The following TMEM170A variants were observed in gnomAD, a reference collection of about 807,000 sequenced individuals.
TMEM170A encodes transmembrane protein 170A.
TMEM170A carries 18 observed loss-of-function variants against 12.8 expected under a neutral mutation model. The observed-to-expected ratio is 1.41, with a 90% CI of 0.97 to 2.09. The LOEUF (loss-of-function observed/expected upper bound fraction) is 2.09, where lower values mean the gene tolerates loss of function less well. TMEM170A is among the 30% of genes most tolerant of loss of function. TMEM170A has a pLI of 0.00. For missense variants in TMEM170A, 220 were observed against 179.9 expected (o/e 1.22, Z -1.28); for synonymous variants, 107 against 76.2 (o/e 1.40, Z -2.11).
intron 1 of TMEM170A, among the ~76,000 whole-genome samples, chr16:75,461,397 G>T (rs927524985): frequency 2.6e-5 from 4 of 152,096 alleles, no homozygotes; most frequent in African/African-American, 9.7e-5. Context: ...GTAGGTAAAT[G>T]GCTAAACTGC....
In TMEM170A at chr16:75,446,957, T is replaced by C. The variant is rs1448123006; in HGVS notation, c.*601A>G. On this transcript the variant is annotated 3_prime_UTR_variant, in exon 3 of 3. Transcript: ENST00000561878. ...TGTCCAGAAAATGTCACATTATTCA[T>C]TGTTATCTACTTTTTATTTATAAAC... is the stretch of plus-strand genomic sequence containing the variant. 6 of 152,244 alleles carry C rather than the reference T, an allele frequency of 3.9e-5. No homozygotes were observed. The highest frequency in any genetic ancestry group is 8.8e-5 in the Non-Finnish European group (6 of 68,044). 9.4% of individuals were successfully genotyped at this position (152,244 alleles called of 1,614,324 possible).
intron 1 of TMEM170A, among the ~76,000 whole-genome samples, chr16:75,462,843 G>C (rs1364706552): frequency 6.6e-6 from 1 of 152,152 alleles, no homozygotes; most frequent in Admixed American, 6.6e-5. Context: ...CACACATTAG[G>C]TAACATTATT....
At chr16:75,459,643 G>A (rs900894712) in intron 1 of TMEM170A, among the ~76,000 whole-genome samples, 1 of 152,084 alleles carries the variant, frequency 6.6e-6, no homozygotes, top group African/African-American at 2.4e-5. Flanking sequence ...GATCACCTGA[G>A]GTCAGGAGTT....
Position 75,443,663 on chromosome 16 carries a change from G to A in TMEM170A, c.*3895C>T, listed in dbSNP as rs2079535821. The A allele has an allele frequency of 6.6e-6, 1 of 152,174 alleles. No homozygotes were observed. Among genetic ancestry groups the A allele is most frequent in the South Asian group, 2.1e-4 (1 of 4,832 alleles). 9.4% of individuals were successfully genotyped at this position (152,174 alleles called of 1,614,324 possible). The stretch of plus-strand genomic sequence containing the variant: ...ATTAATGAACTTTTCCTCACCTAGT[G>A]TAAACATTTCATAAGAAGTAATATT... On this transcript the variant is annotated 3_prime_UTR_variant, in exon 3 of 3. Transcript: ENST00000561878.
At chr16:75,448,423 A>G (rs925069368) in intron 2 of TMEM170A, among the ~76,000 whole-genome samples, 1 of 152,218 alleles carries the variant, frequency 6.6e-6, no homozygotes, top group Non-Finnish European at 1.5e-5. Context: ...GTTCAGCATT[A>G]TACCAAGGAA....
chr16:75,460,941 T>C (rs146979616), intron 1 of TMEM170A, among the ~76,000 whole-genome samples: 86 of 152,348 alleles, frequency 5.6e-4, no homozygotes, highest in Non-Finnish European at 9.8e-4. Flanking sequence ...TGAAGATGAA[T>C]GTCATTCTTG....
At chr16:75,455,394 T>C (rs922084178) in intron 1 of TMEM170A, among the ~76,000 whole-genome samples, 1 of 149,150 alleles carries the variant, frequency 6.7e-6, no homozygotes, top group Non-Finnish European at 1.5e-5. Context: ...GTATATATAC[T>C]GAAGGGGCAA....
rs1357392966 is a variant in TMEM170A at position 75,445,935 on chromosome 16, TG to T, written c.*1622del. 2.0e-5 allele frequency: 3 copies of T among 152,090 alleles called. No individual in the cohort carries two copies. Among genetic ancestry groups the T allele is most frequent in the African/African-American group, 7.2e-5 (3 of 41,424 alleles). 9.4% of individuals were successfully genotyped at this position (152,090 alleles called of 1,614,324 possible). On this transcript the variant is annotated 3_prime_UTR_variant, in exon 3 of 3. Coordinates refer to ENST00000561878, the MANE Select transcript of TMEM170A (RefSeq NM_145254.3). ...GCTCACGCCTGTAATCCCAGCACTT[TG>T]GGAGGCCGAGGCGGGTGGATCACAA... is the stretch of plus-strand genomic sequence containing the variant.
chr16:75,453,462 A>G (rs958744806), intron 1 of TMEM170A, among the ~76,000 whole-genome samples: 4 of 152,150 alleles, frequency 2.6e-5, no homozygotes, highest in African/African-American at 9.7e-5. Flanking sequence ...AAAAAACCCA[A>G]ACAAAAATAA....
chr16:75,464,196 G>A (rs1019002252), intron 1 of TMEM170A: 20 of 1,503,138 alleles, frequency 1.3e-5, no homozygotes, highest in Non-Finnish European at 1.7e-5. Flanking sequence ...AGACCCGCTC[G>A]GGTGGCGGCC....
At chr16:75,451,550 G>T in intron 2 of TMEM170A, 119 bp downstream of exon 2, 3 of 1,062,022 alleles carry the variant, frequency 2.8e-6, no homozygotes, top group South Asian at 1.4e-5. Context: ...ACCCTGTCTG[G>T]ACTTGCAGTT....
At chr16:75,457,615 G>A (rs555509694) in intron 1 of TMEM170A, among the ~76,000 whole-genome samples, 7 of 152,236 alleles carry the variant, frequency 4.6e-5, no homozygotes, top group African/African-American at 1.4e-4. Context: ...TTGTTATGGC[G>A]GCCCATGCTG....
rs148327864 is a variant in TMEM170A, at chr16:75,461,320, C to A, written c.133+3148G>T. 2.3e-3 allele frequency among the ~76,000 whole-genome samples: 349 copies of A among 152,184 alleles called. 2 individuals carry two copies. The highest frequency in any genetic ancestry group is 8.0e-3 in the African/African-American group (330 of 41,456). ...CCGCCCGCTTCGGCCTCCCAAAGTG[C>A]TGGGATTACAGGCGTGAGCCACGGC... On this transcript the variant is annotated intron_variant, in intron 1 of 2. Coordinates refer to ENST00000561878, the MANE Select transcript of TMEM170A (RefSeq NM_145254.3).
intron 1 of TMEM170A, 52 bp from the exon 2 acceptor site, chr16:75,451,891 T>C: frequency 6.6e-7 from 1 of 1,509,234 alleles, no homozygotes; most frequent in South Asian, 1.2e-5. Flanking sequence ...CCCAGGACAA[T>C]CATTGCAGAG....
chr16:75,462,605 A>G (rs1004035184), intron 1 of TMEM170A, among the ~76,000 whole-genome samples: 9 of 152,246 alleles, frequency 5.9e-5, no homozygotes, highest in African/African-American at 2.2e-4. Context: ...TCTAATCATG[A>G]AGACCATCTA....
At chr16:75,454,634 C>CA (rs2079753347) in intron 1 of TMEM170A, among the ~76,000 whole-genome samples, 1 of 151,904 alleles carries the variant, frequency 6.6e-6, no homozygotes, top group Admixed American at 6.6e-5. Flanking sequence ...CACTCCGTCT[C>CA]AAAAAAATAA....
intron 1 of TMEM170A, among the ~76,000 whole-genome samples, chr16:75,460,874 G>T (rs773826941): frequency 9.2e-5 from 14 of 151,974 alleles, no homozygotes; most frequent in Non-Finnish European, 1.5e-4. Flanking sequence ...AACATTACTG[G>T]GTTTTTAATT....
chr16:75,454,107 A>C (rs2079738721), intron 1 of TMEM170A, among the ~76,000 whole-genome samples: 1 of 152,160 alleles, frequency 6.6e-6, no homozygotes, highest in Non-Finnish European at 1.5e-5. Flanking sequence ...GGGTTTCTTG[A>C]CCACCGCCCT....
chr16:75,461,552 C>A (rs1196929143), intron 1 of TMEM170A, among the ~76,000 whole-genome samples: 2 of 152,176 alleles, frequency 1.3e-5, no homozygotes, highest in Non-Finnish European at 1.5e-5. Flanking sequence ...ATCAATACAA[C>A]AGATTCAGGA....
Sources: allele counts gnomAD v4.1 joint callset (sites outside exome capture counted in the v4.1 genomes callset), GRCh38; gene constraint gnomAD v4.1.1; transcripts MANE v1.5; gene names NCBI Gene and HGNC (gene_info 2026-07-23, HGNC 2026-07-21).